RORA: variants seen among roughly 807,000 people sequenced by gnomAD.
RORA encodes the protein RAR related orphan receptor A, also known as nuclear receptor ROR-alpha.
Under a neutral mutation model 69.5 loss-of-function variants are expected in RORA, and 7 were observed. The ratio of observed to expected loss-of-function variants is 0.10; its 90% CI spans 0.06 to 0.19. RORA has a LOEUF of 0.19. Among genes scored for constraint, RORA ranks in the 10% least tolerant of loss-of-function variants. RORA has a pLI of 1.00. For synonymous variants in RORA, 261 were observed against 240.8 expected, an observed-to-expected ratio of 1.08 and a Z score of -0.78; for missense variants, 457 against 663.0, an observed-to-expected ratio of 0.69 and a Z score of 3.41.
At chr15:60,592,651 G>GGCGGGAT in intron 2 of RORA, 1 of 1,128,100 alleles carries the variant, frequency 8.9e-7, no homozygotes, top group Non-Finnish European at 1.1e-6. Context: ...GGAGGCGGGA[G>GGCGGGAT]GCGGGAGGCA....
At chr15:60,955,261 C>T (rs903659522) in intron 1 of RORA, among the ~76,000 whole-genome samples, 11 of 152,194 alleles carry the variant, frequency 7.2e-5, no homozygotes, top group African/African-American at 2.4e-4. Context: ...GAGATTGTGC[C>T]ACTGCACTCC....
intron 1 of RORA, among the ~76,000 whole-genome samples, chr15:60,786,724 C>T (rs1009123226): frequency 6.6e-6 from 1 of 152,236 alleles, no homozygotes. Context: ...GTCTGTCATT[C>T]CTCCAGTGGT....
At chr15:60,698,316 T>C (rs2070933200) in intron 1 of RORA, among the ~76,000 whole-genome samples, 1 of 152,200 alleles carries the variant, frequency 6.6e-6, no homozygotes, top group African/African-American at 2.4e-5. Context: ...CTGACAATTC[T>C]TAGTAATGTC....
intron 1 of RORA, among the ~76,000 whole-genome samples, chr15:60,826,160 C>T (rs1216962668): frequency 6.6e-6 from 1 of 152,158 alleles, no homozygotes; most frequent in Non-Finnish European, 1.5e-5. Context: ...ACAGTAGGAA[C>T]TATGTCTCAT....
intron 1 of RORA, among the ~76,000 whole-genome samples, chr15:61,197,687 C>T (rs963537856): frequency 2.0e-5 from 3 of 152,184 alleles, no homozygotes; most frequent in African/African-American, 7.2e-5. Flanking sequence ...ATCCCATGGG[C>T]CATGTTTCCA....
At chr15:60,515,150 G>A (rs1205078745) in intron 3 of RORA, among the ~76,000 whole-genome samples, 1 of 152,136 alleles carries the variant, frequency 6.6e-6, no homozygotes, top group African/African-American at 2.4e-5. Flanking sequence ...CACTTCCCTG[G>A]AATATCCAAG....
chr15:61,133,598 G>A (rs2079211321), intron 1 of RORA, among the ~76,000 whole-genome samples: 1 of 152,140 alleles, frequency 6.6e-6, no homozygotes. Flanking sequence ...AAGTCGGGAT[G>A]GCCAAGGAGG....
intron 1 of RORA, among the ~76,000 whole-genome samples, chr15:61,158,634 C>A (rs1323900639): frequency 6.6e-6 from 1 of 152,148 alleles, no homozygotes; most frequent in Non-Finnish European, 1.5e-5. Flanking sequence ...TCCGCTCCCC[C>A]GAGGTAAGTA....
At position 60,920,283 on chromosome 15, in the gene RORA, C is replaced by T. The variant is rs982869; in HGVS notation, c.167-241597G>A. On this transcript the variant is annotated intron_variant, in intron 1 of 10. Transcript: ENST00000335670. ...TTCCACCTCTATCATCTAAGTTAAC[C>T]TTTCTCTAATATTTCTCTAAGGCTA... Among the ~76,000 whole-genome samples, 352 of 152,268 alleles carry T rather than the reference C, an allele frequency of 2.3e-3. 3 individuals carry two copies. Among genetic ancestry groups the T allele is most frequent in the African/African-American group, 8.1e-3 (335 of 41,560 alleles).
At chr15:60,956,048 C>T (rs1893259055) in intron 1 of RORA, among the ~76,000 whole-genome samples, 1 of 152,164 alleles carries the variant, frequency 6.6e-6, no homozygotes, top group Non-Finnish European at 1.5e-5. Context: ...TGTTTCCTTT[C>T]TGGTTAGATA....
At chr15:60,998,752 C>T (rs1373930211) in intron 1 of RORA, among the ~76,000 whole-genome samples, 5 of 152,228 alleles carry the variant, frequency 3.3e-5, no homozygotes, top group Non-Finnish European at 7.3e-5. Context: ...ATGTGATATT[C>T]TTGACAGGTC....
At chr15:61,182,130 T>C (rs555513145) in intron 1 of RORA, among the ~76,000 whole-genome samples, 5 of 152,318 alleles carry the variant, frequency 3.3e-5, no homozygotes, top group African/African-American at 9.6e-5. Context: ...GTTTTCCTTA[T>C]TAGAGGTAGA....
chr15:60,498,537 G>A lies in RORA; in HGVS notation c.1408-918C>T, dbSNP rs1308155270. On this transcript the variant is annotated intron_variant, in intron 10 of 10. Coordinates refer to ENST00000335670, the MANE Select transcript of RORA (RefSeq NM_134261.3). The stretch of plus-strand genomic sequence containing the variant: ...AGCATTGACCATTTACCAGCTGAGG[G>A]TAATGACACAATTTGCAAAATTACT... Among the ~76,000 whole-genome samples the A allele has an allele frequency of 2.0e-5, 3 of 152,182 alleles. No homozygotes were observed. The East Asian group carries it at 5.8e-4, about 29-fold the overall frequency.
At chr15:60,985,582 C>CTGTTT (rs763530590) in intron 1 of RORA, among the ~76,000 whole-genome samples, 1 of 100,864 alleles carries the variant, frequency 9.9e-6, no homozygotes, top group Non-Finnish European at 1.8e-5. Context: ...AACTCATCCT[C>CTGTTT]TTTTTTTTTT....
chr15:60,683,594 A>G (rs2070687017), intron 1 of RORA, among the ~76,000 whole-genome samples: 1 of 151,812 alleles, frequency 6.6e-6, no homozygotes, highest in South Asian at 2.1e-4. Flanking sequence ...CTAGAGAAAA[A>G]TGGCACCTTT....
At chr15:61,002,229 G>A (rs200742765) in intron 1 of RORA, among the ~76,000 whole-genome samples, 1 of 152,206 alleles carries the variant, frequency 6.6e-6, no homozygotes, top group African/African-American at 2.4e-5. Context: ...TTCCCTTCTG[G>A]TTCATGTGCC....
intron 3 of RORA, among the ~76,000 whole-genome samples, chr15:60,516,529 T>C (rs1212129032): frequency 1.3e-5 from 2 of 151,656 alleles, no homozygotes; most frequent in African/African-American, 4.9e-5. Flanking sequence ...CCTTCAAAGC[T>C]TTAGTTGTGA....
At chr15:60,826,668 T>C (rs1400374552) in intron 1 of RORA, among the ~76,000 whole-genome samples, 1 of 148,906 alleles carries the variant, frequency 6.7e-6, no homozygotes, top group African/African-American at 2.5e-5. Context: ...TTTTTTCCCA[T>C]GGAGGAGGAG....
At chr15:60,890,681 G>T (rs2073804157) in intron 1 of RORA, among the ~76,000 whole-genome samples, 1 of 152,194 alleles carries the variant, frequency 6.6e-6, no homozygotes, top group Admixed American at 6.5e-5. Flanking sequence ...CTTTGGCATT[G>T]CAGTAATCCT....
Sources: gnomAD v4.1 joint callset for allele counts (sites outside exome capture counted in the v4.1 genomes callset) on GRCh38, gnomAD v4.1.1 for gene constraint, MANE v1.5 for transcripts, NCBI Gene and HGNC (gene_info 2026-07-23, HGNC 2026-07-21) for gene names.